The following SULF1 variants were observed in gnomAD, a reference collection of about 807,000 sequenced individuals.
SULF1 encodes the protein extracellular sulfatase Sulf-1.
SULF1 carries 46 observed loss-of-function variants against 110.5 expected under a neutral mutation model. The observed-to-expected ratio is 0.42, with a 90% CI of 0.33 to 0.53. The LOEUF (loss-of-function observed/expected upper bound fraction) is 0.53. SULF1 is among the 20% of genes least tolerant of loss of function. The pLI, the probability that SULF1 is intolerant of heterozygous loss-of-function variation, is 0.12. For synonymous variants in SULF1, 371 were observed against 387.1 expected, an observed-to-expected ratio of 0.96 and a Z score of 0.49; for missense variants, 941 against 1,094.2, an observed-to-expected ratio of 0.86 and a Z score of 1.98.
rs1188077320 is a variant in SULF1 at position 69,659,109 on chromosome 8, TG to T, written c.*576del. 2.2e-6 allele frequency: 1 copy of T among 456,770 alleles called. No homozygotes were observed. Among genetic ancestry groups the T allele is most frequent in the Admixed American group, 2.3e-5 (1 of 42,570 alleles). The allele number at this position is 456,770 out of a possible 1,614,324, so 28.3% of individuals were successfully genotyped here. ...ACCCGAAAGAACTTCCCCAGTATGGTGGTCCTGGAAAGGACATTTTTGAAGA... is the reference window on the plus strand; with the variant it reads ...ACCCGAAAGAACTTCCCCAGTATGGTGTCCTGGAAAGGACATTTTTGAAGA... On this transcript the variant is annotated 3_prime_UTR_variant, in exon 23 of 23. Transcript: ENST00000402687.
chr8:69,620,119 A>G (rs1809488533), intron 13 of SULF1, among the ~76,000 whole-genome samples: 1 of 152,020 alleles, frequency 6.6e-6, no homozygotes, highest in Non-Finnish European at 1.5e-5. Context: ...GAGTGGGAAG[A>G]TGATCTTCCC....
At chr8:69,499,073 G>C (rs913234969) in intron 2 of SULF1, among the ~76,000 whole-genome samples, 1 of 152,070 alleles carries the variant, frequency 6.6e-6, no homozygotes, top group African/African-American at 2.4e-5. Context: ...TGCCCAGGCT[G>C]GTCTTGAACT....
rs756004118 is a variant in SULF1 at position 69,563,938 on chromosome 8, A to C, written c.-38A>C. On this transcript the variant is annotated 5_prime_UTR_variant, in exon 5 of 23. Coordinates refer to ENST00000402687, the MANE Select transcript of SULF1 (RefSeq NM_001128205.2). ...CAGAACTCCAGAAATCAGGAGACGGAGACATTTTGTCAGTTTTGCAACATT... is the reference window on the plus strand; with the variant it reads ...CAGAACTCCAGAAATCAGGAGACGGCGACATTTTGTCAGTTTTGCAACATT... 2 of 1,600,734 alleles carry C rather than the reference A, an allele frequency of 1.2e-6. No homozygotes were observed. Among genetic ancestry groups the C allele is most frequent in the South Asian group, 2.2e-5 (2 of 90,628 alleles).
intron 22 of SULF1, among the ~76,000 whole-genome samples, chr8:69,651,019 A>G (rs182834869): frequency 3.3e-5 from 5 of 151,442 alleles, no homozygotes; most frequent in Admixed American, 3.3e-4. Context: ...TAAGAGACAC[A>G]CTGGCATCTA....
chr8:69,651,725 G>T (rs1812358791), intron 22 of SULF1, among the ~76,000 whole-genome samples: 1 of 152,062 alleles, frequency 6.6e-6, no homozygotes, highest in Admixed American at 6.5e-5. Context: ...CTGGGTCATT[G>T]TGTGTTGCTT....
At chr8:69,620,934 G>A (rs1190686115) in intron 13 of SULF1, 101 bp from the exon 14 acceptor site, 2 of 913,266 alleles carry the variant, frequency 2.2e-6, no homozygotes, top group East Asian at 5.2e-5. Flanking sequence ...TATTGCCAGT[G>A]CTTCTAAAAA....
intron 3 of SULF1, among the ~76,000 whole-genome samples, chr8:69,554,978 CAAAAAA>C (rs141225696): frequency 1.6e-5 from 1 of 63,494 alleles, no homozygotes. Flanking sequence ...GATTCCATCT[CAAAAAA>C]AAAAAAAAAA....
chr8:69,545,726 C>T (rs946162087), intron 3 of SULF1, among the ~76,000 whole-genome samples: 6 of 152,054 alleles, frequency 3.9e-5, no homozygotes, highest in African/African-American at 9.7e-5. Flanking sequence ...GACAGAGTTT[C>T]GCTCTTTTCG....
chr8:69,560,704 T>C (rs1385135930), intron 3 of SULF1, among the ~76,000 whole-genome samples: 3 of 152,264 alleles, frequency 2.0e-5, no homozygotes, highest in Admixed American at 1.3e-4. Context: ...GCTCCGCATT[T>C]TGTCTGTCAG....
At chr8:69,492,798 G>C (rs1810015234), upstream of SULF1, 1 of 152,322 alleles carries the variant, frequency 6.6e-6, no homozygotes, top group Admixed American at 6.5e-5. Flanking sequence ...GGTGTGTGAT[G>C]ATAATAATAC....
At chr8:69,548,071 C>T (rs916722318) in intron 3 of SULF1, among the ~76,000 whole-genome samples, 1 of 152,122 alleles carries the variant, frequency 6.6e-6, no homozygotes, top group African/African-American at 2.4e-5. Flanking sequence ...TGATGCCCCC[C>T]TACACAAGCA....
intron 3 of SULF1, among the ~76,000 whole-genome samples, chr8:69,517,355 C>T (rs1278723319): frequency 2.0e-5 from 3 of 152,150 alleles, no homozygotes; most frequent in Non-Finnish European, 4.4e-5. Flanking sequence ...TAAATTTCAA[C>T]GTGAGTTTTG....
intron 22 of SULF1, among the ~76,000 whole-genome samples, chr8:69,656,178 A>T (rs1812715249): frequency 6.6e-6 from 1 of 152,208 alleles, no homozygotes; most frequent in Non-Finnish European, 1.5e-5. Flanking sequence ...CATATGCTTG[A>T]TTGAGAACAT....
chr8:69,629,791 G>A (rs897493265), intron 19 of SULF1, 112 bp downstream of exon 19: 12 of 992,386 alleles, frequency 1.2e-5, no homozygotes, highest in East Asian at 2.4e-5. Flanking sequence ...TCAAGAGAAA[G>A]GCATCATATT....
intron 3 of SULF1, among the ~76,000 whole-genome samples, chr8:69,553,122 C>T (rs924239798): frequency 1.6e-4 from 25 of 152,222 alleles, no homozygotes; most frequent in African/African-American, 5.8e-4. Context: ...CAAAGTCAGG[C>T]TTGCTAACCT....
chr8:69,573,171 T>C (rs78148468), intron 5 of SULF1, among the ~76,000 whole-genome samples: 269 of 152,304 alleles, frequency 1.8e-3, no homozygotes, highest in Non-Finnish European at 2.9e-3. Context: ...GCTGTATTCT[T>C]AACAGTGCCT....
chr8:69,525,197 GT>G (rs1205867401), intron 3 of SULF1, among the ~76,000 whole-genome samples: 1 of 152,112 alleles, frequency 6.6e-6, no homozygotes, highest in East Asian at 1.9e-4. Context: ...TGCCAGAGAA[GT>G]TTTTTTTAAT....
exon 1 of SULF1, chr8:69,466,916 T>C (rs1808880092): frequency 6.6e-6 from 1 of 152,250 alleles, no homozygotes; most frequent in Non-Finnish European, 1.5e-5. Context: ...GGAATTCATT[T>C]TCAGCAGACA....
chr8:69,658,700 A>T lies in SULF1; in HGVS notation c.*165A>T. The T allele has an allele frequency of 1.4e-6, 1 of 709,988 alleles. No individual in the cohort carries two copies. Among genetic ancestry groups the T allele is most frequent in the Non-Finnish European group, 2.6e-6 (1 of 389,406 alleles). The allele number at this position is 709,988 out of a possible 1,614,324, so 44.0% of individuals were successfully genotyped here. ...GTATTTGCACTGCTGAAGAGTCACT[A>T]TGAGCAAAATAAAACAAATAAGACT... On this transcript the variant is annotated 3_prime_UTR_variant, in exon 23 of 23. Transcript: ENST00000402687.
Sources: gnomAD v4.1 joint callset for allele counts (sites outside exome capture counted in the v4.1 genomes callset) on GRCh38, gnomAD v4.1.1 for gene constraint, MANE v1.5 for transcripts, NCBI Gene and HGNC (gene_info 2026-07-23, HGNC 2026-07-21) for gene names.